Variants in ITPR2 observed in about 807,000 individuals in gnomAD.
The protein encoded by ITPR2 is inositol 1,4,5-trisphosphate-gated calcium channel ITPR2.
A neutral mutation model predicts 317.1 loss-of-function variants in ITPR2; 207 were observed. That is an observed-to-expected ratio of 0.65 (90% confidence interval 0.58 to 0.73). The LOEUF is 0.73. Among genes scored for constraint, ITPR2 ranks in the 30% least tolerant of loss-of-function variants. ITPR2 has a pLI of 0.00. For missense variants in ITPR2, 2,613 were observed against 3,284.0 expected (o/e 0.80, Z 4.99); for synonymous variants, 1,156 against 1,149.1 (o/e 1.01, Z -0.12).
intron 55 of ITPR2, among the ~76,000 whole-genome samples, chr12:26,341,844 T>A (rs1212447160): frequency 6.6e-6 from 1 of 152,226 alleles, no homozygotes; most frequent in Non-Finnish European, 1.5e-5. Context: ...ATCCCCTGGT[T>A]GCTTGTTAAA....
chr12:26,575,649 A>G (rs1945257677), intron 34 of ITPR2, among the ~76,000 whole-genome samples: 1 of 152,242 alleles, frequency 6.6e-6, no homozygotes, highest in Non-Finnish European at 1.5e-5. Context: ...AGGAACTAAA[A>G]TTTCCTCTTA....
intron 55 of ITPR2, among the ~76,000 whole-genome samples, chr12:26,358,752 A>C (rs1473434306): frequency 8.6e-5 from 13 of 151,978 alleles, no homozygotes; most frequent in African/African-American, 2.9e-4. Context: ...GGGGGCCTTA[A>C]GTGATCCAGT....
chr12:26,560,651 T>C (rs2137026971), intron 35 of ITPR2, among the ~76,000 whole-genome samples: 2 of 152,300 alleles, frequency 1.3e-5, no homozygotes, highest in East Asian at 3.9e-4. Context: ...CTTAAGTAAC[T>C]TCTCACTAGT....
chr12:26,680,724 C>G (rs1000365008), intron 13 of ITPR2, among the ~76,000 whole-genome samples: 1 of 152,184 alleles, frequency 6.6e-6, no homozygotes, highest in African/African-American at 2.4e-5. Flanking sequence ...AAACTGTATT[C>G]TGTTGTATGA....
intron 24 of ITPR2, among the ~76,000 whole-genome samples, chr12:26,622,890 G>A (rs1591972416): frequency 6.6e-6 from 1 of 152,186 alleles, no homozygotes; most frequent in East Asian, 1.9e-4. Flanking sequence ...TCTGGGTGAG[G>A]TTCCACTGGA....
chr12:26,636,379 G>A (rs868068377), intron 21 of ITPR2, among the ~76,000 whole-genome samples: 9 of 152,106 alleles, frequency 5.9e-5, no homozygotes, highest in Non-Finnish European at 4.4e-5. Flanking sequence ...CATAAAACAC[G>A]AGTTCCATGA....
At chr12:26,422,830 T>A (rs754725303) in intron 49 of ITPR2, among the ~76,000 whole-genome samples, 1 of 152,198 alleles carries the variant, frequency 6.6e-6, no homozygotes, top group Admixed American at 6.5e-5. Context: ...TATTGAAAAG[T>A]AAAATGGAAT....
intron 15 of ITPR2, among the ~76,000 whole-genome samples, chr12:26,659,527 A>G (rs2136911664): frequency 6.6e-6 from 1 of 152,388 alleles, no homozygotes; most frequent in South Asian, 2.1e-4. Context: ...AATTATCAGT[A>G]TAGGTATTTT....
At chr12:26,773,023 TATTA>T (rs1283136444) in intron 2 of ITPR2, among the ~76,000 whole-genome samples, 3 of 152,114 alleles carry the variant, frequency 2.0e-5, no homozygotes, top group Non-Finnish European at 2.9e-5. Flanking sequence ...TCTCTTCCTG[TATTA>T]GTTTGCTTAG....
chr12:26,394,032 TG>T (rs1267346489), intron 54 of ITPR2, among the ~76,000 whole-genome samples: 2 of 152,182 alleles, frequency 1.3e-5, no homozygotes, highest in Non-Finnish European at 2.9e-5. Context: ...GACATGGATC[TG>T]GTTCTCTTAA....
At chr12:26,438,756 G>A (rs145636441) in intron 47 of ITPR2, among the ~76,000 whole-genome samples, 26 of 152,304 alleles carry the variant, frequency 1.7e-4, no homozygotes, top group African/African-American at 5.1e-4. Flanking sequence ...GGAAGAGTGC[G>A]CAGGAGCTGA....
Position 26,590,973 on chromosome 12 carries a change from G to A in ITPR2, c.4380+4492C>T, listed in dbSNP as rs899155849. Reference sequence around the variant, plus strand: ...CAGGTGCCTGTAGTCCCAGCTACTCGGGAGGCTGAAGCAAGAGAATCACTG... The same window carrying A: ...CAGGTGCCTGTAGTCCCAGCTACTCAGGAGGCTGAAGCAAGAGAATCACTG... On this transcript the variant is annotated intron_variant, in intron 32 of 56. Transcript: ENST00000381340. Among the ~76,000 whole-genome samples the A allele has an allele frequency of 4.6e-5, 7 of 151,298 alleles. No homozygotes were observed. The East Asian group carries it at 7.7e-4, about 17-fold the overall frequency.
At chr12:26,774,895 T>A (rs764217297) in intron 2 of ITPR2, among the ~76,000 whole-genome samples, 4 of 152,200 alleles carry the variant, frequency 2.6e-5, no homozygotes, top group Non-Finnish European at 5.9e-5. Context: ...AAACCCTTAG[T>A]GGATGGAAGT....
chr12:26,471,905 G>A (rs895542252), intron 45 of ITPR2, among the ~76,000 whole-genome samples: 1 of 152,210 alleles, frequency 6.6e-6, no homozygotes, highest in Admixed American at 6.5e-5. Context: ...CTGAAGCAGT[G>A]CTTACAAGCA....
intron 32 of ITPR2, among the ~76,000 whole-genome samples, chr12:26,585,644 A>T (rs559375965): frequency 7.2e-5 from 11 of 152,240 alleles, no homozygotes; most frequent in African/African-American, 2.6e-4. Flanking sequence ...GGCTCAAGCA[A>T]TCCGGCTGCC....
rs138282161 is a variant in ITPR2, at chr12:26,827,016, A to G, written c.92+5674T>C. Among the ~76,000 whole-genome samples, 25 of 152,350 alleles carry G rather than the reference A, an allele frequency of 1.6e-4. 1 individual carries two copies. In the East Asian group the frequency reaches 4.2e-3, roughly 26 times the overall value. On this transcript the variant is annotated intron_variant, in intron 1 of 56. Transcript: ENST00000381340. ...AAAAATGGAAGGAGGAGAAAGGGAC[A>G]ATCAACACTACATTTGAAAGTGGAC... is the stretch of plus-strand genomic sequence containing the variant.
At position 26,599,239 on chromosome 12, in the gene ITPR2, T is replaced by C. The variant is rs1434336847; in HGVS notation, c.3908A>G (p.His1303Arg). 3.1e-6 allele frequency: 5 copies of C among 1,613,964 alleles called. No homozygotes were observed. In the African/African-American group the frequency reaches 5.3e-5, roughly 17 times the overall value. Residue 1303 changes from histidine to arginine, a missense_variant, in exon 30 of 57, where the codon CAT becomes CGT. By Grantham distance (29) the His-to-Arg change is conservative (BLOSUM62 0). Coordinates refer to ENST00000381340, the MANE Select transcript of ITPR2 (RefSeq NM_002223.4). ...VQHFVHCIET[H>R]GRHVEYLRFL... is the part of the protein sequence containing the mutation. ...CCTCAGGTACTCCACGTGGCGGCCA[T>C]GTGTCTCAATGCAGTGCACAAAGTG...
At chr12:26,640,373 T>A (rs973745458) in intron 21 of ITPR2, among the ~76,000 whole-genome samples, 3 of 152,012 alleles carry the variant, frequency 2.0e-5, no homozygotes, top group South Asian at 2.1e-4. Context: ...TAAAAAAAAA[T>A]TTAATTAAAA....
chr12:26,524,720 A>G (rs2136946789), intron 37 of ITPR2, among the ~76,000 whole-genome samples: 1 of 152,332 alleles, frequency 6.6e-6, no homozygotes, highest in Admixed American at 6.5e-5. Context: ...CAAAGTACAC[A>G]AACCAGATAT....
Sources: allele counts gnomAD v4.1 joint callset (sites outside exome capture counted in the v4.1 genomes callset), GRCh38; gene constraint gnomAD v4.1.1; transcripts MANE v1.5; gene names NCBI Gene and HGNC (gene_info 2026-07-23, HGNC 2026-07-21).